Variants in NUP98 observed in about 807,000 individuals in gnomAD.
The protein encoded by NUP98 is nucleoporin 98 and 96 precursor.
Under a neutral mutation model 191.9 loss-of-function variants are expected in NUP98, and 26 were observed. The observed-to-expected ratio is 0.14, with a 90% CI of 0.10 to 0.19. The LOEUF is 0.19. Ranked by LOEUF, NUP98 falls within the 10% of genes least tolerant of loss-of-function variation. NUP98 has a pLI of 1.00. For missense variants in NUP98, 1,941 were observed against 2,178.8 expected, an observed-to-expected ratio of 0.89 and a Z score of 2.17; for synonymous variants, 808 against 778.4, an observed-to-expected ratio of 1.04 and a Z score of -0.63.
At chr11:3,794,813 C>T (rs1407843403) in intron 1 of NUP98, among the ~76,000 whole-genome samples, 1 of 152,158 alleles carries the variant, frequency 6.6e-6, no homozygotes, top group Non-Finnish European at 1.5e-5. Flanking sequence ...AGGGTTTCCC[C>T]ATGTTGCCCA....
At position 3,782,022 on chromosome 11, in the gene NUP98, T is replaced by C. The variant is rs113536612; in HGVS notation, c.76+20A>G. 1,267 of 1,584,642 alleles carry C rather than the reference T, an allele frequency of 8.0e-4. 6 individuals carry two copies. In the African/African-American group the frequency reaches 0.015, roughly 18 times the overall value. On this transcript the variant is annotated intron_variant, in intron 2 of 32. Transcript: ENST00000324932. ...GGGAGATTAAGGTTTCTCCCTCTTT[T>C]GTCCTTTTTAAAAACTTACTCTGTC...
intron 31 of NUP98, among the ~76,000 whole-genome samples, chr11:3,677,016 T>C (rs2077836239): frequency 2.0e-5 from 3 of 152,160 alleles, no homozygotes. Flanking sequence ...TTATAGCCTT[T>C]TCTAAAACAC....
At chr11:3,746,036 G>A (rs916560822) in intron 11 of NUP98, among the ~76,000 whole-genome samples, 3 of 152,026 alleles carry the variant, frequency 2.0e-5, no homozygotes, top group Non-Finnish European at 4.4e-5. Context: ...TTGGGAGGTC[G>A]AGGCGGGTGG....
rs141311893 is a variant in NUP98 at position 3,681,935 on chromosome 11, T to C, written c.4918+1265A>G. On this transcript the variant is annotated intron_variant, in intron 30 of 32. Transcript: ENST00000324932. ...AAGGCAGTTTCATCTACACTGAAAA[T>C]CTGTTGTTTAGTGTAACCATCTTCA... Among the ~76,000 whole-genome samples the C allele has an allele frequency of 7.3e-4, 111 of 152,328 alleles. 2 individuals are homozygous for C. The East Asian group carries it at 0.018, about 24-fold the overall frequency.
At chr11:3,752,690 A>C (rs2080809372) in intron 11 of NUP98, among the ~76,000 whole-genome samples, 1 of 152,150 alleles carries the variant, frequency 6.6e-6, no homozygotes, top group African/African-American at 2.4e-5. Flanking sequence ...AAAAGTAGGC[A>C]AAACTCTATG....
At chr11:3,704,472 C>T (rs960061474) in intron 22 of NUP98, among the ~76,000 whole-genome samples, 5 of 152,178 alleles carry the variant, frequency 3.3e-5, no homozygotes, top group Admixed American at 6.5e-5. Flanking sequence ...CTGTGCATTA[C>T]GAGAAGCAAT....
intron 11 of NUP98, among the ~76,000 whole-genome samples, chr11:3,747,945 G>C (rs1355606444): frequency 6.6e-6 from 1 of 152,146 alleles, no homozygotes; most frequent in African/African-American, 2.4e-5. Context: ...TGTGCTTGCT[G>C]ACTCACAATT....
intron 24 of NUP98, 68 bp downstream of exon 24, chr11:3,700,541 CT>C (rs1339120232): frequency 1.8e-6 from 2 of 1,084,624 alleles, no homozygotes; most frequent in Non-Finnish European, 2.7e-6. Context: ...GAAATTCATC[CT>C]CCCGTGAACA....
intron 18 of NUP98, among the ~76,000 whole-genome samples, chr11:3,718,724 G>T (rs1196198358): frequency 6.6e-6 from 1 of 151,632 alleles, no homozygotes; most frequent in African/African-American, 2.4e-5. Context: ...TTAGAAGCTA[G>T]GATCTCACAC....
In NUP98 at chr11:3,700,799, T is replaced by C. The variant is rs2078653719; in HGVS notation, c.3553A>G (p.Ser1185Gly). 1 of 1,614,018 alleles carries C rather than the reference T, an allele frequency of 6.2e-7. No homozygotes were observed. Among genetic ancestry groups the C allele is most frequent in the African/African-American group, 1.3e-5 (1 of 74,936 alleles). ...TCATCTGGCTTTCTTTGTCTCAAACTGAGTTTTTCTAAGTGAACTTTGAAT... is the reference window on the plus strand; with the variant it reads ...TCATCTGGCTTTCTTTGTCTCAAACCGAGTTTTTCTAAGTGAACTTTGAAT... ...SPFKVHLEKL[S>G]LRQRKPDEDM... is the part of the protein sequence containing the mutation. The change falls in exon 24 of 33, where the codon AGT becomes GGT. Residue 1185 changes from serine to glycine, a missense_variant. By Grantham distance (56) the Ser-to-Gly change is moderately conservative. Transcript: ENST00000324932.
intron 1 of NUP98, among the ~76,000 whole-genome samples, chr11:3,784,605 A>AC (rs1554904744): frequency 0.17 from 23,029 of 138,432 alleles, 2,316 homozygotes; most frequent in Non-Finnish European, 0.24. Flanking sequence ...ACAAAAAAAA[A>AC]CAAAAAACAT....
At chr11:3,789,938 C>T (rs1217564210) in intron 1 of NUP98, among the ~76,000 whole-genome samples, 1 of 152,224 alleles carries the variant, frequency 6.6e-6, no homozygotes, top group East Asian at 1.9e-4. Context: ...GCACCCACCA[C>T]TATACCGGGT....
chr11:3,720,162 T>C (rs762740396), intron 17 of NUP98, among the ~76,000 whole-genome samples: 1 of 152,208 alleles, frequency 6.6e-6, no homozygotes, highest in Admixed American at 6.5e-5. Flanking sequence ...ACCTTCGCAC[T>C]TGGCCTGGCA....
intron 6 of NUP98, 62 bp from the exon 7 acceptor site, chr11:3,771,990 G>A: frequency 7.3e-7 from 1 of 1,376,596 alleles, no homozygotes; most frequent in Non-Finnish European, 1.0e-6. Flanking sequence ...TATTTAGGAG[G>A]CTAAATACTT....
At chr11:3,754,575 G>C (rs187027105) in intron 10 of NUP98, among the ~76,000 whole-genome samples, 77 of 152,244 alleles carry the variant, frequency 5.1e-4, no homozygotes, top group Admixed American at 1.0e-3. Context: ...GTAACGTGTA[G>C]CTGATTACAC....
In NUP98 at chr11:3,693,271, G is replaced by T; in HGVS notation, c.4272C>A (p.Ser1424=). 4 of 1,614,166 alleles carry T rather than the reference G, an allele frequency of 2.5e-6. No homozygotes were observed. The highest frequency in any genetic ancestry group is 3.4e-6 in the Non-Finnish European group (4 of 1,180,008). The part of the protein sequence containing the change: ...HLWYLLPPTA[S]ISRALSMYEE... ...CATACATGCTGAGCGCCCTAGAAAT[G>T]GAGGCTGTTGGTGGAAGCAAATACC... Residue 1424 remains serine, a synonymous_variant, in exon 27 of 33, where the codon TCC becomes TCA. Transcript: ENST00000324932.
intron 7 of NUP98, among the ~76,000 whole-genome samples, chr11:3,769,359 G>A (rs2081442904): frequency 6.6e-6 from 1 of 152,090 alleles, no homozygotes; most frequent in Non-Finnish European, 1.5e-5. Flanking sequence ...CTGGGAGTTT[G>A]AGGCAGCGGG....
intron 18 of NUP98, among the ~76,000 whole-genome samples, chr11:3,715,479 T>G (rs1308769420): frequency 6.6e-6 from 1 of 152,100 alleles, no homozygotes; most frequent in Non-Finnish European, 1.5e-5. Context: ...GGTATCTCAT[T>G]GTAGTTTGAT....
At chr11:3,750,126 T>C (rs900993910) in intron 11 of NUP98, among the ~76,000 whole-genome samples, 1 of 152,190 alleles carries the variant, frequency 6.6e-6, no homozygotes, top group Non-Finnish European at 1.5e-5. Flanking sequence ...GTGTACTTAA[T>C]GGAATACTAA....
Sources: allele counts gnomAD v4.1 joint callset (sites outside exome capture counted in the v4.1 genomes callset), GRCh38; gene constraint gnomAD v4.1.1; transcripts MANE v1.5; gene names NCBI Gene and HGNC (gene_info 2026-07-23, HGNC 2026-07-21).